Variants in GPR21 observed in about 807,000 individuals in gnomAD.
GPR21 encodes G protein-coupled receptor 21.
In GPR21, 9 loss-of-function variants were observed where a neutral mutation model predicts 21.5. The observed-to-expected ratio is 0.42, with a 90% CI of 0.25 to 0.73. The LOEUF (loss-of-function observed/expected upper bound fraction) is 0.73. Among genes scored for constraint, GPR21 ranks in the 30% least tolerant of loss-of-function variants. The pLI, the probability that GPR21 is intolerant of heterozygous loss-of-function variation, is 0.27. For synonymous variants in GPR21, 169 were observed against 159.3 expected, an observed-to-expected ratio of 1.06 and a Z score of -0.46; for missense variants, 416 against 428.9, an observed-to-expected ratio of 0.97 and a Z score of 0.27.
the GPR21 span, among the ~76,000 whole-genome samples, chr9:123,044,461 T>G: frequency 0.76 from 115,025 of 152,088 alleles, 45,444 homozygotes; most frequent in Middle Eastern, 0.89. Flanking sequence ...TTTTGGGTCT[T>G]TAAGACCTTT....
At chr9:123,047,045 T>C in the GPR21 span, among the ~76,000 whole-genome samples, 1 of 152,154 alleles carries the variant, frequency 6.6e-6, no homozygotes, top group African/African-American at 2.4e-5. Flanking sequence ...GTCCAAAGGG[T>C]TATTCAACAT....
At chr9:123,039,141 A>T (rs770448700), downstream of GPR21, among the ~76,000 whole-genome samples, 1 of 152,168 alleles carries the variant, frequency 6.6e-6, no homozygotes, top group Non-Finnish European at 1.5e-5. Flanking sequence ...ATACATCATG[A>T]TGTGTTCCCC....
the GPR21 span, among the ~76,000 whole-genome samples, chr9:123,047,247 G>A: frequency 6.6e-6 from 1 of 152,244 alleles, no homozygotes; most frequent in East Asian, 1.9e-4. Context: ...CCTCAGAAAT[G>A]TTTGTTCGAG....
At chr9:123,047,445 A>T in the GPR21 span, among the ~76,000 whole-genome samples, 2 of 152,208 alleles carry the variant, frequency 1.3e-5, no homozygotes, top group African/African-American at 4.8e-5. Context: ...ATTCTAGGAG[A>T]GTCCTTTAAG....
At chr9:123,037,977 C>T (rs923089248), downstream of GPR21, among the ~76,000 whole-genome samples, 2 of 152,034 alleles carry the variant, frequency 1.3e-5, no homozygotes, top group Non-Finnish European at 1.5e-5. Context: ...TGGCATGTGA[C>T]TGGTATCAGA....
Position 123,034,538 on chromosome 9 carries a change from T to A in GPR21, c.-29T>A. ...TGTTGGCAGCAGCCAAGCGGCAGCA[T>A]GAAGTGACAGATCACTCCTGAGCTC... On this transcript the variant is annotated 5_prime_UTR_variant, in exon 2 of 2. An upstream start codon of the reference 5' UTR is lost. Transcript: ENST00000616002. 5.6e-6 allele frequency: 8 copies of A among 1,440,126 alleles called. No individual in the cohort carries two copies. Among genetic ancestry groups the A allele is most frequent in the Non-Finnish European group, 7.6e-6 (8 of 1,048,486 alleles). 89.2% of individuals were successfully genotyped at this position (1,440,126 alleles called of 1,614,324 possible).
chr9:123,035,746 C>T (rs2032619800), downstream of GPR21: 8 of 605,222 alleles, frequency 1.3e-5, no homozygotes, highest in East Asian at 2.8e-5. Context: ...TGACTCTAAA[C>T]AATAGCATAC....
downstream of GPR21, among the ~76,000 whole-genome samples, chr9:123,038,326 C>G (rs2032777269): frequency 6.6e-6 from 1 of 152,026 alleles, no homozygotes; most frequent in Non-Finnish European, 1.5e-5. Context: ...TTACTTTTTA[C>G]TTGAATAATG....
At chr9:123,042,920 G>A in the GPR21 span, among the ~76,000 whole-genome samples, 1 of 152,164 alleles carries the variant, frequency 6.6e-6, no homozygotes. Flanking sequence ...TTCTTGAATG[G>A]GGTGGGGCAT....
chr9:123,035,811 T>C (rs1309991819), downstream of GPR21: 2 of 502,496 alleles, frequency 4.0e-6, no homozygotes, highest in African/African-American at 1.9e-5. Flanking sequence ...CAAAAGTGCT[T>C]GTGAATTAGA....
the GPR21 span, among the ~76,000 whole-genome samples, chr9:123,046,616 C>A: frequency 6.6e-6 from 1 of 152,200 alleles, no homozygotes; most frequent in Non-Finnish European, 1.5e-5. Context: ...TGAGCTAATG[C>A]ATGTAAAGCT....
downstream of GPR21, among the ~76,000 whole-genome samples, chr9:123,038,384 A>G (rs1335060278): frequency 6.6e-6 from 1 of 152,108 alleles, no homozygotes; most frequent in Non-Finnish European, 1.5e-5. Context: ...TTTTTACCGT[A>G]AATGCATTGC....
At chr9:123,039,152 C>A (rs1330886608), downstream of GPR21, among the ~76,000 whole-genome samples, 2 of 152,140 alleles carry the variant, frequency 1.3e-5, no homozygotes, top group African/African-American at 4.8e-5. Flanking sequence ...TGTGTTCCCC[C>A]ACACTTTGAT....
At chr9:123,040,526 A>G (rs370514325), downstream of GPR21, among the ~76,000 whole-genome samples, 12 of 152,126 alleles carry the variant, frequency 7.9e-5, no homozygotes, top group South Asian at 8.3e-4. Context: ...CTTTAGTTCA[A>G]TTAACTTCTG....
rs748103110 is a variant in GPR21 at position 123,034,620 on chromosome 9, A to G, written c.54A>G (p.Ala18=). The change falls in exon 2 of 2, where the codon GCA becomes GCG. Residue 18 remains alanine (A), a synonymous_variant. Transcript: ENST00000616002. ...GCAGCCACCCTTTTTGCCTCTTGGC[A>G]TTTGGCTATTTGGAAACTGTCAATT... ...NQSSHPFCLL[A]FGYLETVNFC... is the part of the protein sequence containing the mutation. 5 of 1,613,636 alleles carry G rather than the reference A, an allele frequency of 3.1e-6. No individual in the cohort carries two copies. In the East Asian group the frequency reaches 8.9e-5, roughly 29 times the overall value.
At chr9:123,042,687 C>T in the GPR21 span, among the ~76,000 whole-genome samples, 411 of 152,082 alleles carry the variant, frequency 2.7e-3, 2 homozygotes, top group Non-Finnish European at 4.5e-3. Flanking sequence ...GCAAAACAGT[C>T]GGAGGTTTAA....
the GPR21 span, among the ~76,000 whole-genome samples, chr9:123,047,003 C>G: frequency 1.7e-4 from 26 of 152,314 alleles, no homozygotes; most frequent in Non-Finnish European, 4.4e-5. Context: ...GGTATTAAAC[C>G]TCCTTTAGAC....
chr9:123,035,286 G>A lies in GPR21; in HGVS notation c.720G>A (p.Gly240=), dbSNP rs1264969577. The part of the protein sequence containing the change: ...ARFSSQSGET[G]EVQACPDKRY... Reference sequence around the variant, plus strand: ...TCAGCAGCCAGAGTGGGGAGACTGGGGAAGTGCAGGCCTGTCCTGATAAGC... The same window carrying A: ...TCAGCAGCCAGAGTGGGGAGACTGGAGAAGTGCAGGCCTGTCCTGATAAGC... The change falls in exon 2 of 2, where the codon GGG becomes GGA. Residue 240 remains glycine (G), a synonymous_variant. Transcript: ENST00000616002. The A allele has an allele frequency of 9.3e-6, 15 of 1,614,152 alleles. No homozygotes were observed. The highest frequency in any genetic ancestry group is 1.3e-5 in the Non-Finnish European group (15 of 1,179,998).
the GPR21 span, among the ~76,000 whole-genome samples, chr9:123,041,247 C>T: frequency 6.6e-6 from 1 of 152,220 alleles, no homozygotes; most frequent in African/African-American, 2.4e-5. Context: ...CAGAGTCAGA[C>T]AGCTTATAAG....
Sources: gnomAD v4.1 joint callset for allele counts (sites outside exome capture counted in the v4.1 genomes callset) on GRCh38, gnomAD v4.1.1 for gene constraint, MANE v1.5 for transcripts, NCBI Gene and HGNC (gene_info 2026-07-23, HGNC 2026-07-21) for gene names.